Variants in FSIP1 observed in about 807,000 individuals in gnomAD.
FSIP1 encodes the protein fibrous sheath-interacting protein 1.
In FSIP1, 65 loss-of-function variants were observed where a neutral mutation model predicts 60.9. The observed-to-expected ratio is 1.07, with a 90% CI of 0.87 to 1.31. FSIP1 has a LOEUF of 1.31. FSIP1 is among the 40% of genes most tolerant of loss of function. The pLI is 0.00. For synonymous variants in FSIP1, 209 were observed against 221.2 expected (o/e 0.94, Z 0.49); for missense variants, 675 against 665.5 (o/e 1.01, Z -0.16).
intron 10 of FSIP1, among the ~76,000 whole-genome samples, chr15:39,624,927 G>T (rs1424451239): frequency 6.6e-6 from 1 of 152,200 alleles, no homozygotes; most frequent in East Asian, 1.9e-4. Flanking sequence ...AAGTGAGTCA[G>T]CTCCCAGGTC....
At chr15:39,733,943 A>T (rs1896513757) in intron 8 of FSIP1, among the ~76,000 whole-genome samples, 1 of 152,170 alleles carries the variant, frequency 6.6e-6, no homozygotes, top group Non-Finnish European at 1.5e-5. Flanking sequence ...AGCCAATCAC[A>T]TTCTCAACTG....
rs148221820 is a variant in FSIP1, at chr15:39,779,461, C to T, written c.-7-2930G>A. Among the ~76,000 whole-genome samples the T allele has an allele frequency of 5.4e-3, 829 of 152,202 alleles. 4 individuals carry two copies. The highest frequency in any genetic ancestry group is 0.019 in the African/African-American group (778 of 41,522). ...AAGAATTCATTTATTATAGAAAGAT[C>T]TCTAGAATGTACTAAAAGGTATTTG... On this transcript the variant is annotated intron_variant, in intron 1 of 11. Coordinates refer to ENST00000350221, the MANE Select transcript of FSIP1 (RefSeq NM_152597.5).
At position 39,724,147 on chromosome 15, in the gene FSIP1, G is replaced by C. The variant is rs561960955; in HGVS notation, c.1050+2442C>G. On this transcript the variant is annotated intron_variant, in intron 9 of 11. Transcript: ENST00000350221. ...TCTCAGTATGTAACAAAAATGTAAG[G>C]TACTGGTTTTCCCTTTCATTATTTT... 6.3e-4 allele frequency among the ~76,000 whole-genome samples: 96 copies of C among 152,072 alleles called. 1 individual carries two copies. The highest frequency in any genetic ancestry group is 2.2e-3 in the African/African-American group (91 of 41,452).
chr15:39,641,126 T>G (rs996330651), intron 10 of FSIP1, among the ~76,000 whole-genome samples: 1 of 152,234 alleles, frequency 6.6e-6, no homozygotes, highest in East Asian at 1.9e-4. Context: ...CTGGAAATCT[T>G]TGGAGACAAA....
At chr15:39,689,773 G>T (rs930560234) in intron 10 of FSIP1, among the ~76,000 whole-genome samples, 1 of 152,150 alleles carries the variant, frequency 6.6e-6, no homozygotes, top group African/African-American at 2.4e-5. Context: ...TTATCTAAAT[G>T]TCCACACAAA....
At chr15:39,625,348 G>A (rs1891596082) in intron 10 of FSIP1, among the ~76,000 whole-genome samples, 1 of 152,178 alleles carries the variant, frequency 6.6e-6, no homozygotes, top group South Asian at 2.1e-4. Flanking sequence ...GGAGCTAGAA[G>A]CAGGAGGTAG....
intron 11 of FSIP1, 24 bp downstream of exon 11, chr15:39,617,711 A>C (rs749833668): frequency 6.3e-7 from 1 of 1,588,396 alleles, no homozygotes; most frequent in South Asian, 1.1e-5. Context: ...TTATTTACCA[A>C]AACACATGTT....
intron 8 of FSIP1, among the ~76,000 whole-genome samples, chr15:39,734,169 G>T (rs1896522721): frequency 6.6e-6 from 1 of 152,132 alleles, no homozygotes; most frequent in Non-Finnish European, 1.5e-5. Context: ...AGAAAAAAAG[G>T]ATTTTGCAAG....
chr15:39,763,433 G>C (rs951906815), intron 5 of FSIP1, among the ~76,000 whole-genome samples: 2 of 152,142 alleles, frequency 1.3e-5, no homozygotes, highest in Admixed American at 6.5e-5. Context: ...TGAGAGACCA[G>C]GAAATAGGAC....
intron 5 of FSIP1, among the ~76,000 whole-genome samples, chr15:39,746,325 A>C (rs1896992677): frequency 6.6e-6 from 1 of 152,146 alleles, no homozygotes; most frequent in Admixed American, 6.5e-5. Context: ...GAAAAAAACA[A>C]CCAGAAACCA....
At chr15:39,702,268 G>C (rs1292477819) in intron 10 of FSIP1, among the ~76,000 whole-genome samples, 1 of 149,920 alleles carries the variant, frequency 6.7e-6, no homozygotes, top group Non-Finnish European at 1.5e-5. Flanking sequence ...ACACATGCCT[G>C]GTTAAAACCC....
intron 10 of FSIP1, among the ~76,000 whole-genome samples, chr15:39,678,488 T>C (rs1460227201): frequency 1.3e-5 from 2 of 152,140 alleles, no homozygotes; most frequent in African/African-American, 4.8e-5. Flanking sequence ...ATTGGAAAGG[T>C]AAATATTAGT....
intron 8 of FSIP1, among the ~76,000 whole-genome samples, chr15:39,733,523 A>G (rs1896491436): frequency 6.6e-6 from 1 of 152,248 alleles, no homozygotes; most frequent in Non-Finnish European, 1.5e-5. Context: ...CACCTGTGGC[A>G]GACACTGTCT....
At chr15:39,626,895 G>C (rs1891662395) in intron 10 of FSIP1, among the ~76,000 whole-genome samples, 1 of 152,116 alleles carries the variant, frequency 6.6e-6, no homozygotes, top group Non-Finnish European at 1.5e-5. Flanking sequence ...CTTAATACTT[G>C]ATCAGTGCCA....
At chr15:39,670,196 T>G (rs570019130) in intron 10 of FSIP1, among the ~76,000 whole-genome samples, 2 of 152,210 alleles carry the variant, frequency 1.3e-5, no homozygotes, top group Non-Finnish European at 2.9e-5. Flanking sequence ...CAGATATGCA[T>G]AGAGCCCAAA....
intron 1 of FSIP1, among the ~76,000 whole-genome samples, chr15:39,779,570 T>C (rs1898180380): frequency 6.6e-6 from 1 of 152,220 alleles, no homozygotes; most frequent in Admixed American, 6.5e-5. Context: ...TCTGTCTTTT[T>C]CAACAAAATT....
chr15:39,764,676 G>A (rs1339801042), intron 4 of FSIP1, among the ~76,000 whole-genome samples: 5 of 152,124 alleles, frequency 3.3e-5, no homozygotes, highest in Non-Finnish European at 7.4e-5. Context: ...AGAATAAGAG[G>A]TCCAAGAAGG....
chr15:39,766,875 T>C (rs1484044306), intron 3 of FSIP1, among the ~76,000 whole-genome samples: 2 of 152,222 alleles, frequency 1.3e-5, no homozygotes, highest in African/African-American at 4.8e-5. Context: ...GATCTCATTC[T>C]GTCACTCAGG....
Position 39,782,759 on chromosome 15 carries a change from C to T in FSIP1, c.-139G>A, listed in dbSNP as rs1309474116. Reference sequence around the variant, plus strand: ...AGAGGGGTCTCTCCCGCCACCTCAGCCTCTCTGGTAGTGGAAGAAGCCGCC... The same window carrying T: ...AGAGGGGTCTCTCCCGCCACCTCAGTCTCTCTGGTAGTGGAAGAAGCCGCC... On this transcript the variant is annotated 5_prime_UTR_variant, in exon 1 of 12. Transcript: ENST00000350221. 6.6e-6 allele frequency: 1 copy of T among 152,424 alleles called. No individual in the cohort carries two copies. The highest frequency in any genetic ancestry group is 1.5e-5 in the Non-Finnish European group (1 of 68,134). 9.4% of individuals were successfully genotyped at this position (152,424 alleles called of 1,614,324 possible). A position where few individuals can be genotyped will look rare whatever the true frequency, so the allele number is the denominator to read the frequency against.
Sources: allele counts gnomAD v4.1 joint callset (sites outside exome capture counted in the v4.1 genomes callset), GRCh38; gene constraint gnomAD v4.1.1; transcripts MANE v1.5; gene names NCBI Gene and HGNC (gene_info 2026-07-23, HGNC 2026-07-21).